Variants in GFRA1 observed in about 807,000 individuals in gnomAD.
GFRA1 encodes GDNF family receptor alpha-1.
A neutral mutation model predicts 51.6 loss-of-function variants in GFRA1; 16 were observed. The observed-to-expected ratio is 0.31, with a 90% CI of 0.21 to 0.47. The LOEUF (loss-of-function observed/expected upper bound fraction) is 0.47. GFRA1 is among the 20% of genes least tolerant of loss of function. The pLI, the probability that GFRA1 is intolerant of heterozygous loss-of-function variation, is 1.00. For synonymous variants in GFRA1, 270 were observed against 241.3 expected (o/e 1.12, Z -1.10); for missense variants, 530 against 594.3 (o/e 0.89, Z 1.13).
chr10:116,096,904 C>T, intron 6 of GFRA1, 140 bp from the exon 7 acceptor site: 1 of 654,784 alleles, frequency 1.5e-6, no homozygotes, highest in Admixed American at 2.2e-5. Flanking sequence ...CACACACATA[C>T]ACACAAAATA....
intron 5 of GFRA1, among the ~76,000 whole-genome samples, chr10:116,177,261 G>A (rs527731321): frequency 4.6e-5 from 7 of 152,324 alleles, no homozygotes; most frequent in African/African-American, 1.4e-4. Flanking sequence ...GGCGACCTGA[G>A]TGACGGTGTA....
At chr10:116,172,031 T>A (rs188100043) in intron 5 of GFRA1, among the ~76,000 whole-genome samples, 59 of 152,280 alleles carry the variant, frequency 3.9e-4, no homozygotes, top group African/African-American at 1.3e-3. Flanking sequence ...GCTTCCCTTG[T>A]CCCTAGAATA....
rs1253944775 is a variant in GFRA1, at chr10:116,207,650, TAC to T, written c.433+3979_433+3980del. 3.3e-5 allele frequency among the ~76,000 whole-genome samples: 5 copies of T among 152,336 alleles called. No individual in the cohort carries two copies. In the East Asian group the frequency reaches 9.7e-4, roughly 29 times the overall value. ...TATCATATGCATGTAATACATATGATACACACATGTACGTATGTATTGCAGAA... is the reference window on the plus strand; with the variant it reads ...TATCATATGCATGTAATACATATGATACACATGTACGTATGTATTGCAGAA... On this transcript the variant is annotated intron_variant, in intron 5 of 10. Coordinates refer to ENST00000355422, the MANE Select transcript of GFRA1 (RefSeq NM_005264.8).
At chr10:116,149,132 A>G (rs1334023299) in intron 5 of GFRA1, among the ~76,000 whole-genome samples, 1 of 152,192 alleles carries the variant, frequency 6.6e-6, no homozygotes, top group East Asian at 1.9e-4. Context: ...ATGCTCCTGG[A>G]AAACAGGAGA....
intron 5 of GFRA1, among the ~76,000 whole-genome samples, chr10:116,210,393 G>A (rs542219441): frequency 6.6e-6 from 1 of 152,168 alleles, no homozygotes; most frequent in East Asian, 1.9e-4. Context: ...TGCCTAGAGT[G>A]CCCCACTGAC....
Position 116,064,624 on chromosome 10 carries a change from C to A in GFRA1, c.1252-80G>T, listed in dbSNP as rs994387889. Reference sequence around the variant, plus strand: ...GTATACTTTACACTCTCTCTCCCCCCGACTCCCCACTGGCTGACCCACTCA... The same window carrying A: ...GTATACTTTACACTCTCTCTCCCCCAGACTCCCCACTGGCTGACCCACTCA... On this transcript the variant is annotated intron_variant, in intron 10 of 10. Coordinates refer to ENST00000355422, the MANE Select transcript of GFRA1 (RefSeq NM_005264.8). 15 of 1,308,674 alleles carry A rather than the reference C, an allele frequency of 1.1e-5. No individual in the cohort carries two copies. The African/African-American group carries it at 1.9e-4, about 16-fold the overall frequency. 81.1% of individuals were successfully genotyped at this position (1,308,674 alleles called of 1,614,324 possible). A position where few individuals can be genotyped will look rare whatever the true frequency, so the allele number is the denominator to read the frequency against.
At chr10:116,075,170 T>C (rs1174523223) in intron 9 of GFRA1, among the ~76,000 whole-genome samples, 1 of 152,122 alleles carries the variant, frequency 6.6e-6, no homozygotes, top group Non-Finnish European at 1.5e-5. Context: ...GACCTTATCT[T>C]CCCATCCTCT....
chr10:116,262,268 A>G (rs200074090), intron 4 of GFRA1, among the ~76,000 whole-genome samples: 121 of 152,340 alleles, frequency 7.9e-4, no homozygotes, highest in Non-Finnish European at 1.5e-3. Flanking sequence ...AACTCTATGC[A>G]AAATATTTAA....
chr10:116,122,124 G>A (rs941061784), intron 6 of GFRA1, among the ~76,000 whole-genome samples: 8 of 152,130 alleles, frequency 5.3e-5, no homozygotes, highest in African/African-American at 1.2e-4. Context: ...AAAGGCTCAA[G>A]ACAGTGTATA....
intron 6 of GFRA1, among the ~76,000 whole-genome samples, chr10:116,098,936 G>A (rs1956711722): frequency 6.6e-6 from 1 of 152,212 alleles, no homozygotes; most frequent in Non-Finnish European, 1.5e-5. Flanking sequence ...TGCTTTTTGA[G>A]AGATCATCGG....
chr10:116,253,930 A>T (rs1968595883), intron 4 of GFRA1, among the ~76,000 whole-genome samples: 1 of 152,110 alleles, frequency 6.6e-6, no homozygotes, highest in African/African-American at 2.4e-5. Context: ...AGGTCACTGG[A>T]CTTCTATGAG....
At chr10:116,227,982 T>A (rs946708611) in intron 4 of GFRA1, among the ~76,000 whole-genome samples, 4 of 152,216 alleles carry the variant, frequency 2.6e-5, no homozygotes, top group African/African-American at 9.6e-5. Flanking sequence ...AAGTGTGCTG[T>A]AAAGAACAAA....
At position 116,141,948 on chromosome 10, in the gene GFRA1, T is replaced by C. The variant is rs1250319243; in HGVS notation, c.434-16391A>G. Among the ~76,000 whole-genome samples the C allele has an allele frequency of 6.6e-5, 10 of 152,244 alleles. No homozygotes were observed. In the East Asian group the frequency reaches 1.9e-3, roughly 29 times the overall value. ...GTGCCAGGCTGGTAAATAAGTTGGT[T>C]AGGCAGATCTTCTTAGACAAGAGAT... On this transcript the variant is annotated intron_variant, in intron 5 of 10. Transcript: ENST00000355422.
At chr10:116,204,641 A>C (rs1452925643) in intron 5 of GFRA1, among the ~76,000 whole-genome samples, 1 of 152,230 alleles carries the variant, frequency 6.6e-6, no homozygotes, top group Non-Finnish European at 1.5e-5. Context: ...AGGGGCATAG[A>C]AGCCAGCTGA....
chr10:116,064,622 C>G (rs1419836773), intron 10 of GFRA1, 78 bp from the exon 11 acceptor site: 8 of 1,338,336 alleles, frequency 6.0e-6, no homozygotes, highest in African/African-American at 5.7e-5. Flanking sequence ...TCTCTCTCCC[C>G]CCGACTCCCC....
intron 4 of GFRA1, among the ~76,000 whole-genome samples, chr10:116,228,791 G>A (rs1966488826): frequency 6.6e-6 from 1 of 151,786 alleles, no homozygotes; most frequent in African/African-American, 2.4e-5. Context: ...GACCAGCCTG[G>A]CCAAGATGGT....
At chr10:116,198,323 G>A (rs1366305368) in intron 5 of GFRA1, among the ~76,000 whole-genome samples, 3 of 152,126 alleles carry the variant, frequency 2.0e-5, no homozygotes, top group Non-Finnish European at 2.9e-5. Context: ...GAACTTTTGC[G>A]GGCTTATGAG....
chr10:116,237,065 T>C (rs1230891385), intron 4 of GFRA1, among the ~76,000 whole-genome samples: 1 of 152,250 alleles, frequency 6.6e-6, no homozygotes, highest in Non-Finnish European at 1.5e-5. Flanking sequence ...ATATGTACTA[T>C]ACATATGCCA....
chr10:116,153,757 GT>G (rs1790398685), intron 5 of GFRA1, among the ~76,000 whole-genome samples: 1 of 152,130 alleles, frequency 6.6e-6, no homozygotes, highest in South Asian at 2.1e-4. Context: ...ACTGCATTAA[GT>G]AAACTTCTGT....
Sources: gnomAD v4.1 joint callset for allele counts (sites outside exome capture counted in the v4.1 genomes callset) on GRCh38, gnomAD v4.1.1 for gene constraint, MANE v1.5 for transcripts, NCBI Gene and HGNC (gene_info 2026-07-23, HGNC 2026-07-21) for gene names.